RALGPS2: variants seen among roughly 807,000 people sequenced by gnomAD.
RALGPS2 encodes the protein Ral GEF with PH domain and SH3 binding motif 2, also known as ras-specific guanine nucleotide-releasing factor RalGPS2.
Under a neutral mutation model 86.8 loss-of-function variants are expected in RALGPS2, and 43 were observed. That is an observed-to-expected ratio of 0.50 (90% CI 0.39 to 0.64). The LOEUF is 0.64. RALGPS2 is among the 30% of genes least tolerant of loss of function. The pLI, the probability that RALGPS2 is intolerant of heterozygous loss-of-function variation, is 0.00. For missense variants in RALGPS2, 536 were observed against 694.6 expected (o/e 0.77, Z 2.57); for synonymous variants, 243 against 231.3 (o/e 1.05, Z -0.46).
At chr1:178,840,009 T>C (rs1029853972) in intron 8 of RALGPS2, among the ~76,000 whole-genome samples, 2 of 152,046 alleles carry the variant, frequency 1.3e-5, no homozygotes, top group African/African-American at 2.4e-5. Context: ...AGCAAGTCCT[T>C]AGAGACCTAC....
At chr1:178,791,331 G>A (rs1406403869) in intron 4 of RALGPS2, among the ~76,000 whole-genome samples, 2 of 139,240 alleles carry the variant, frequency 1.4e-5, no homozygotes, top group East Asian at 2.1e-4. Context: ...GTCTTACTAC[G>A]TTGCCCAGGC....
In RALGPS2 at chr1:178,737,422, A is replaced by G. The variant is rs113686707; in HGVS notation, c.-84+12003A>G. Among the ~76,000 whole-genome samples, 752 of 151,446 alleles carry G rather than the reference A, an allele frequency of 5.0e-3. 7 individuals are homozygous for G. Among genetic ancestry groups the G allele is most frequent in the African/African-American group, 0.017 (684 of 41,270 alleles). ...CACCACGCCTGGCTAATTTTTTTGT[A>G]TTTTTAGTAGAGACGGGGTTTCACC... is the stretch of plus-strand genomic sequence containing the variant. On this transcript the variant is annotated intron_variant, in intron 1 of 19. Transcript: ENST00000367635.
At chr1:178,757,124 G>A (rs1047466764) in intron 1 of RALGPS2, among the ~76,000 whole-genome samples, 2 of 152,082 alleles carry the variant, frequency 1.3e-5, no homozygotes, top group Admixed American at 6.6e-5. Context: ...TTGTTGTATG[G>A]AAATGCTACT....
intron 1 of RALGPS2, chr1:178,746,582 T>A: frequency 1.5e-6 from 1 of 688,322 alleles, no homozygotes; most frequent in Non-Finnish European, 2.7e-6. Flanking sequence ...ATCTAGAGGG[T>A]TAGCGAGCCT....
chr1:178,913,359 T>G (rs781526818), intron 19 of RALGPS2, among the ~76,000 whole-genome samples: 31 of 152,222 alleles, frequency 2.0e-4, no homozygotes, highest in Non-Finnish European at 3.8e-4. Context: ...GTTTGGTTCT[T>G]TCTTAAAATG....
At chr1:178,749,043 G>T (rs1364161726) in intron 1 of RALGPS2, among the ~76,000 whole-genome samples, 1 of 151,962 alleles carries the variant, frequency 6.6e-6, no homozygotes, top group Admixed American at 6.6e-5. Flanking sequence ...TTGCTGTGTT[G>T]CCTAGGCTAG....
At position 178,835,983 on chromosome 1, in the gene RALGPS2, T is replaced by C. The variant is rs1656255230; in HGVS notation, c.607+2433T>C. ...TTCCATTCAAAATGAGAAAATAAGA[T>C]AATAGGAATCCTTATGCTGTGATTT... On this transcript the variant is annotated intron_variant, in intron 8 of 19. Coordinates refer to ENST00000367635, the MANE Select transcript of RALGPS2 (RefSeq NM_152663.5). Among the ~76,000 whole-genome samples the C allele has an allele frequency of 1.3e-5, 2 of 152,230 alleles. 1 individual carries two copies. The highest frequency in any genetic ancestry group is 1.3e-4 in the Admixed American group (2 of 15,286).
At chr1:178,821,234 A>G (rs554754686) in intron 6 of RALGPS2, among the ~76,000 whole-genome samples, 14 of 152,338 alleles carry the variant, frequency 9.2e-5, no homozygotes, top group Non-Finnish European at 1.9e-4. Flanking sequence ...TTGACCCTTT[A>G]TTGAAACTTG....
chr1:178,731,272 G>GTTTTTTGTTTT (rs1650333524), intron 1 of RALGPS2, among the ~76,000 whole-genome samples: 1 of 57,946 alleles, frequency 1.7e-5, no homozygotes, highest in African/African-American at 6.7e-5. Flanking sequence ...AGTTGTTTTG[G>GTTTTTTGTTTT]TTTTTTTTTT....
At chr1:178,859,908 G>A (rs368337575) in intron 8 of RALGPS2, among the ~76,000 whole-genome samples, 2 of 148,626 alleles carry the variant, frequency 1.3e-5, no homozygotes, top group South Asian at 2.1e-4. Flanking sequence ...TGGTAGAGAC[G>A]GGGTTTCGCC....
At chr1:178,846,513 A>AT (rs1294074199) in intron 8 of RALGPS2, among the ~76,000 whole-genome samples, 1 of 151,964 alleles carries the variant, frequency 6.6e-6, no homozygotes, top group Non-Finnish European at 1.5e-5. Flanking sequence ...TCATTTATAT[A>AT]TTTTTTTACC....
intron 8 of RALGPS2, among the ~76,000 whole-genome samples, chr1:178,838,782 T>C (rs1220367385): frequency 3.3e-5 from 5 of 152,148 alleles, no homozygotes; most frequent in African/African-American, 9.7e-5. Flanking sequence ...ATCAGACGAA[T>C]GGCTAACTAG....
rs775112803 is a variant in RALGPS2 at position 178,889,614 on chromosome 1, TA to T, written c.1193-22del. 8 of 1,522,692 alleles carry T rather than the reference TA, an allele frequency of 5.3e-6. No individual in the cohort carries two copies. The Admixed American group carries it at 6.9e-5, about 13-fold the overall frequency. 94.3% of individuals were successfully genotyped at this position (1,522,692 alleles called of 1,614,324 possible). A position where few individuals can be genotyped will look rare whatever the true frequency, so the allele number is the denominator to read the frequency against. ...AAACTAGAGAGGTAATTCTGATGTT[TA>T]AAAAATAGGATAACTTTTCATTTTA... On this transcript the variant is annotated intron_variant, in intron 13 of 19. Coordinates refer to ENST00000367635, the MANE Select transcript of RALGPS2 (RefSeq NM_152663.5).
rs1295425315 is a variant in RALGPS2 at position 178,739,352 on chromosome 1, T to C, written c.-84+13933T>C. Among the ~76,000 whole-genome samples, 19 of 152,252 alleles carry C rather than the reference T, an allele frequency of 1.2e-4. 1 individual carries two copies. ...CTTCTTGGTCAGAGACAGTCTTATA[T>C]GTGAAACCACAGTAAATAACATAAA... On this transcript the variant is annotated intron_variant, in intron 1 of 19. Transcript: ENST00000367635.
chr1:178,834,390 T>G (rs1558140585), intron 8 of RALGPS2, among the ~76,000 whole-genome samples: 1 of 152,166 alleles, frequency 6.6e-6, no homozygotes, highest in Non-Finnish European at 1.5e-5. Context: ...TGAGAGTGAT[T>G]ACAGTGTCAC....
At chr1:178,862,539 G>A (rs1658098353) in intron 8 of RALGPS2, among the ~76,000 whole-genome samples, 2 of 152,100 alleles carry the variant, frequency 1.3e-5, no homozygotes, top group African/African-American at 2.4e-5. Context: ...GGAGAGGAAC[G>A]ATCACTTCAA....
At chr1:178,753,833 G>A (rs1172600150) in intron 1 of RALGPS2, 5 of 151,986 alleles carry the variant, frequency 3.3e-5, no homozygotes, top group African/African-American at 1.2e-4. Context: ...TTTGCAGGTT[G>A]AAGGTTTTTT....
chr1:178,917,790 C>T lies in RALGPS2; in HGVS notation c.*1431C>T, dbSNP rs1032275518. On this transcript the variant is annotated 3_prime_UTR_variant, in exon 20 of 20. Transcript: ENST00000367635. ...TGACACTCAAACAAAGGCTATATGT[C>T]GAATGTTATAAACTCTTGAGACATA... 5 of 151,920 alleles carry T rather than the reference C, an allele frequency of 3.3e-5. No individual in the cohort carries two copies. The highest frequency in any genetic ancestry group is 2.6e-4 in the Admixed American group (4 of 15,252). 9.4% of individuals were successfully genotyped at this position (151,920 alleles called of 1,614,324 possible).
intron 2 of RALGPS2, among the ~76,000 whole-genome samples, chr1:178,777,656 C>T (rs1293835972): frequency 1.3e-5 from 2 of 151,132 alleles, no homozygotes; most frequent in Non-Finnish European, 3.0e-5. Context: ...TACAAGGCTA[C>T]AGTAACCAAA....
Sources: allele counts gnomAD v4.1 joint callset (sites outside exome capture counted in the v4.1 genomes callset), GRCh38; gene constraint gnomAD v4.1.1; transcripts MANE v1.5; gene names NCBI Gene and HGNC (gene_info 2026-07-23, HGNC 2026-07-21).